SCHIP1: variants seen among roughly 807,000 people sequenced by gnomAD.
SCHIP1 encodes schwannomin interacting protein 1.
In SCHIP1, 8 loss-of-function variants were observed where a neutral mutation model predicts 29.7. The ratio of observed to expected loss-of-function variants is 0.27; its 90% CI spans 0.16 to 0.49. The LOEUF (loss-of-function observed/expected upper bound fraction) is 0.49. Ranked by LOEUF, SCHIP1 falls within the 20% of genes least tolerant of loss-of-function variation. The pLI is 0.99. For synonymous variants in SCHIP1, 76 were observed against 94.9 expected (o/e 0.80, Z 1.16); for missense variants, 193 against 294.6 (o/e 0.66, Z 2.52).
the SCHIP1 span, among the ~76,000 whole-genome samples, chr3:159,425,798 C>T: frequency 2.6e-5 from 4 of 152,150 alleles, no homozygotes; most frequent in Non-Finnish European, 5.9e-5. Context: ...GGAAGTAAAG[C>T]TCTCCTCAGC....
the SCHIP1 span, among the ~76,000 whole-genome samples, chr3:159,385,707 C>A: frequency 2.0e-5 from 3 of 151,904 alleles, no homozygotes; most frequent in African/African-American, 7.3e-5. Context: ...TATTTTAGAG[C>A]ATTTTTAAAA....
chr3:159,869,325 A>G (rs1386305368), intron 2 of SCHIP1, among the ~76,000 whole-genome samples: 11 of 151,996 alleles, frequency 7.2e-5, no homozygotes, highest in Non-Finnish European at 1.0e-4. Context: ...TTCTCCCCCA[A>G]GATCCAATAG....
At chr3:159,530,605 T>C in the SCHIP1 span, among the ~76,000 whole-genome samples, 1 of 152,172 alleles carries the variant, frequency 6.6e-6, no homozygotes, top group African/African-American at 2.4e-5. Flanking sequence ...GCAGATTTGC[T>C]CTTGGATTTC....
chr3:159,347,377 T>A, the SCHIP1 span, among the ~76,000 whole-genome samples: 1 of 152,182 alleles, frequency 6.6e-6, no homozygotes, highest in Non-Finnish European at 1.5e-5. Flanking sequence ...AACAAACTAG[T>A]ATTCCGTGGA....
the SCHIP1 span, among the ~76,000 whole-genome samples, chr3:159,474,161 A>G: frequency 6.6e-6 from 1 of 152,166 alleles, no homozygotes; most frequent in Non-Finnish European, 1.5e-5. Context: ...GTCCTGTTAT[A>G]TAGATATGAG....
At chr3:159,614,078 C>T in the SCHIP1 span, among the ~76,000 whole-genome samples, 2 of 152,222 alleles carry the variant, frequency 1.3e-5, no homozygotes, top group Non-Finnish European at 2.9e-5. Context: ...ATCTAGGGTT[C>T]AGAGAGGTCC....
the SCHIP1 span, among the ~76,000 whole-genome samples, chr3:159,686,323 A>T: frequency 6.6e-6 from 1 of 152,200 alleles, no homozygotes; most frequent in South Asian, 2.1e-4. Flanking sequence ...TACCAGAATG[A>T]TATTATACCT....
the SCHIP1 span, among the ~76,000 whole-genome samples, chr3:159,800,390 C>T: frequency 6.6e-6 from 1 of 152,156 alleles, no homozygotes; most frequent in Admixed American, 6.5e-5. Context: ...TTTGGGGCTG[C>T]CCCCTCCCTC....
chr3:159,560,549 GTT>G, the SCHIP1 span, among the ~76,000 whole-genome samples: 1 of 152,090 alleles, frequency 6.6e-6, no homozygotes, highest in Non-Finnish European at 1.5e-5. Flanking sequence ...ACTGAGTTAA[GTT>G]TCTTTCTGGA....
chr3:159,486,346 C>G, the SCHIP1 span, among the ~76,000 whole-genome samples: 1 of 152,152 alleles, frequency 6.6e-6, no homozygotes, highest in Non-Finnish European at 1.5e-5. Flanking sequence ...CTATTCCCGG[C>G]TTCTATGAAT....
the SCHIP1 span, among the ~76,000 whole-genome samples, chr3:159,825,402 G>A: frequency 1.3e-5 from 2 of 152,166 alleles, no homozygotes; most frequent in East Asian, 3.9e-4. Context: ...TCACAGTGAG[G>A]AGGGAAGTGT....
the SCHIP1 span, among the ~76,000 whole-genome samples, chr3:159,626,134 A>T: frequency 8.3e-6 from 1 of 120,192 alleles, no homozygotes; most frequent in South Asian, 2.2e-4. Flanking sequence ...AGATAGATAG[A>T]TAGATATATC....
At chr3:159,652,970 T>C in the SCHIP1 span, among the ~76,000 whole-genome samples, 1 of 152,110 alleles carries the variant, frequency 6.6e-6, no homozygotes, top group East Asian at 1.9e-4. Context: ...GTGGATCTTA[T>C]AAAATTTGAG....
the SCHIP1 span, among the ~76,000 whole-genome samples, chr3:159,284,756 C>A: frequency 6.6e-6 from 1 of 152,116 alleles, no homozygotes; most frequent in African/African-American, 2.4e-5. Flanking sequence ...CTCGGCCTCC[C>A]AAAGTGTTGG....
chr3:159,788,542 G>C, the SCHIP1 span, among the ~76,000 whole-genome samples: 1 of 152,120 alleles, frequency 6.6e-6, no homozygotes, highest in Non-Finnish European at 1.5e-5. Context: ...GAGGTTTATT[G>C]CCCAAAGGAA....
the SCHIP1 span, among the ~76,000 whole-genome samples, chr3:159,730,982 G>A: frequency 1.3e-5 from 2 of 152,134 alleles, no homozygotes; most frequent in Non-Finnish European, 2.9e-5. Flanking sequence ...AATATGGAGT[G>A]GCCTTTGTCC....
the SCHIP1 span, among the ~76,000 whole-genome samples, chr3:159,745,357 G>A: frequency 6.6e-6 from 1 of 152,218 alleles, no homozygotes; most frequent in East Asian, 1.9e-4. Context: ...GGCAGAGTCA[G>A]GTAAATGCCC....
chr3:159,653,651 C>G, the SCHIP1 span, among the ~76,000 whole-genome samples: 37 of 151,194 alleles, frequency 2.4e-4, no homozygotes, highest in Non-Finnish European at 4.0e-4. Flanking sequence ...GGGCTTAAAA[C>G]CTAGATGACA....
chr3:159,436,860 T>C, the SCHIP1 span, among the ~76,000 whole-genome samples: 3 of 152,100 alleles, frequency 2.0e-5, no homozygotes, highest in African/African-American at 7.2e-5. Flanking sequence ...ACCAGGAGTC[T>C]ATGCCTTCAT....
Sources: gnomAD v4.1 joint callset for allele counts (sites outside exome capture counted in the v4.1 genomes callset) on GRCh38, gnomAD v4.1.1 for gene constraint, MANE v1.5 for transcripts, NCBI Gene and HGNC (gene_info 2026-07-23, HGNC 2026-07-21) for gene names.